The following ADAMTSL3 variants were observed in gnomAD, a reference collection of about 807,000 sequenced individuals.
ADAMTSL3 encodes the protein ADAMTS like 3.
In ADAMTSL3, 128 loss-of-function variants were observed where a neutral mutation model predicts 201.7. The observed-to-expected ratio is 0.63, with a 90% CI of 0.55 to 0.73. The LOEUF is 0.73. ADAMTSL3 is among the 30% of genes least tolerant of loss of function. ADAMTSL3 has a pLI of 0.00. For missense variants in ADAMTSL3, 1,990 were observed against 2,119.6 expected, an observed-to-expected ratio of 0.94 and a Z score of 1.20; for synonymous variants, 738 against 748.4, an observed-to-expected ratio of 0.99 and a Z score of 0.23.
chr15:83,852,328 G>A (rs959880037), intron 7 of ADAMTSL3, among the ~76,000 whole-genome samples: 2 of 152,082 alleles, frequency 1.3e-5, no homozygotes, highest in African/African-American at 4.8e-5. Flanking sequence ...TGGCCAGGCT[G>A]GTCTTGAACT....
intron 3 of ADAMTSL3, among the ~76,000 whole-genome samples, chr15:83,750,289 CCT>C (rs2062618198): frequency 6.6e-6 from 1 of 152,170 alleles, no homozygotes; most frequent in Non-Finnish European, 1.5e-5. Flanking sequence ...ATTGTCTTCA[CCT>C]AAGTTTCTAC....
At chr15:83,902,595 T>G (rs2065748335) in intron 15 of ADAMTSL3, among the ~76,000 whole-genome samples, 1 of 152,118 alleles carries the variant, frequency 6.6e-6, no homozygotes, top group Non-Finnish European at 1.5e-5. Flanking sequence ...TTTGCAATGT[T>G]CAGAATATCC....
At chr15:83,790,846 T>C (rs543115945) in intron 4 of ADAMTSL3, among the ~76,000 whole-genome samples, 2 of 152,334 alleles carry the variant, frequency 1.3e-5, no homozygotes, top group African/African-American at 4.8e-5. Flanking sequence ...CAATTGTATT[T>C]CTCTTACTAG....
At chr15:83,919,148 A>C (rs1456299667) in intron 16 of ADAMTSL3, among the ~76,000 whole-genome samples, 2 of 152,194 alleles carry the variant, frequency 1.3e-5, no homozygotes, top group Non-Finnish European at 2.9e-5. Context: ...TGGATGTGTG[A>C]GTCTGAAGTG....
At chr15:83,783,234 A>G (rs745463325) in intron 4 of ADAMTSL3, among the ~76,000 whole-genome samples, 4 of 151,818 alleles carry the variant, frequency 2.6e-5, no homozygotes, top group Non-Finnish European at 5.9e-5. Flanking sequence ...TTCAATTTCT[A>G]AGGTTACCAT....
intron 3 of ADAMTSL3, among the ~76,000 whole-genome samples, chr15:83,746,257 C>T (rs1286669700): frequency 6.6e-6 from 1 of 151,114 alleles, no homozygotes; most frequent in Non-Finnish European, 1.5e-5. Flanking sequence ...CCAGTTTTCC[C>T]ATCCTCCCTT....
At chr15:83,839,227 G>T (rs950062768) in intron 7 of ADAMTSL3, among the ~76,000 whole-genome samples, 7 of 152,128 alleles carry the variant, frequency 4.6e-5, no homozygotes, top group Non-Finnish European at 1.0e-4. Context: ...GATGTAACTT[G>T]TAAAGTCGGC....
chr15:84,016,737 G>A (rs1201260383), intron 25 of ADAMTSL3, among the ~76,000 whole-genome samples: 1 of 152,122 alleles, frequency 6.6e-6, no homozygotes, highest in Non-Finnish European at 1.5e-5. Context: ...TCTCAAATGT[G>A]CACTATTATT....
At chr15:84,031,061 T>C (rs1174840862) in intron 27 of ADAMTSL3, among the ~76,000 whole-genome samples, 1 of 152,176 alleles carries the variant, frequency 6.6e-6, no homozygotes, top group Admixed American at 6.5e-5. Flanking sequence ...CTTTCCTTTG[T>C]AAATTACCCA....
intron 3 of ADAMTSL3, among the ~76,000 whole-genome samples, chr15:83,706,827 A>G (rs146329906): frequency 1.4e-5 from 2 of 143,740 alleles, no homozygotes; most frequent in African/African-American, 5.1e-5. Flanking sequence ...CCACCCCTGG[A>G]TAATTTTTTT....
chr15:83,704,441 C>T lies in ADAMTSL3; in HGVS notation c.122C>T (p.Ser41Phe). The part of the protein sequence containing the change: ...GAYFLPEFAL[S>F]PQGSFLEDTT... ...TATTTCCTTCCCGAGTTTGCACTTT[C>T]TCCTCAGGGAAGTTTTCTGGAAGAC... Residue 41 changes from serine to phenylalanine, a missense_variant, in exon 3 of 30, where the codon TCT becomes TTT. Transcript: ENST00000286744. The T allele has an allele frequency of 6.2e-7, 1 of 1,614,188 alleles. No homozygotes were observed. The highest frequency in any genetic ancestry group is 8.5e-7 in the Non-Finnish European group (1 of 1,180,026).
chr15:83,751,441 T>G (rs1220614401), intron 3 of ADAMTSL3, among the ~76,000 whole-genome samples: 2 of 152,154 alleles, frequency 1.3e-5, no homozygotes, highest in Admixed American at 1.3e-4. Flanking sequence ...TAGAGCCTTG[T>G]TGGCTGCTCT....
intron 3 of ADAMTSL3, among the ~76,000 whole-genome samples, chr15:83,721,833 A>G (rs951896012): frequency 4.6e-5 from 7 of 152,142 alleles, no homozygotes; most frequent in Non-Finnish European, 2.9e-5. Flanking sequence ...CCTGGGTTCA[A>G]GCGATTCTCC....
At chr15:83,976,841 G>T (rs1048165235) in intron 20 of ADAMTSL3, among the ~76,000 whole-genome samples, 1 of 152,148 alleles carries the variant, frequency 6.6e-6, no homozygotes, top group African/African-American at 2.4e-5. Context: ...GGGTTCGGTG[G>T]TTGGGGACCC....
intron 3 of ADAMTSL3, among the ~76,000 whole-genome samples, chr15:83,767,953 A>G (rs919826425): frequency 6.6e-6 from 1 of 152,196 alleles, no homozygotes; most frequent in Non-Finnish European, 1.5e-5. Context: ...GAGTGAAGAC[A>G]CGGAAGCTGC....
chr15:83,709,232 T>G (rs138373668), intron 3 of ADAMTSL3, among the ~76,000 whole-genome samples: 8 of 152,378 alleles, frequency 5.3e-5, no homozygotes, highest in Non-Finnish European at 8.8e-5. Flanking sequence ...GCCACAATTT[T>G]TTTTTGAAGC....
intron 9 of ADAMTSL3, among the ~76,000 whole-genome samples, chr15:83,877,381 T>C (rs1344339403): frequency 6.6e-6 from 1 of 152,234 alleles, no homozygotes; most frequent in Non-Finnish European, 1.5e-5. Flanking sequence ...CTAGAGCCAT[T>C]AGGTGAAGAA....
At chr15:83,733,376 G>A (rs2062314151) in intron 3 of ADAMTSL3, among the ~76,000 whole-genome samples, 1 of 152,114 alleles carries the variant, frequency 6.6e-6, no homozygotes, top group East Asian at 1.9e-4. Flanking sequence ...TCTCTTCCTG[G>A]GGGTGAGAGA....
At chr15:83,870,275 A>T (rs2065057798) in intron 8 of ADAMTSL3, among the ~76,000 whole-genome samples, 1 of 152,174 alleles carries the variant, frequency 6.6e-6, no homozygotes, top group Non-Finnish European at 1.5e-5. Context: ...TTGATATTCA[A>T]CTATACTTTT....
Sources: allele counts gnomAD v4.1 joint callset (sites outside exome capture counted in the v4.1 genomes callset), GRCh38; gene constraint gnomAD v4.1.1; transcripts MANE v1.5; gene names NCBI Gene and HGNC (gene_info 2026-07-23, HGNC 2026-07-21).